The following DENND11 variants were observed in gnomAD, a reference collection of about 807,000 sequenced individuals.
The protein encoded by DENND11 is DENN domain-containing protein 11.
A neutral mutation model predicts 49.2 loss-of-function variants in DENND11; 34 were observed. That is an observed-to-expected ratio of 0.69 (90% CI 0.53 to 0.92). The LOEUF (loss-of-function observed/expected upper bound fraction) is 0.92. Among genes scored for constraint, DENND11 ranks in the 40% least tolerant of loss-of-function variants. The pLI is 0.00. For missense variants in DENND11, 475 were observed against 581.6 expected, an observed-to-expected ratio of 0.82 and a Z score of 1.88; for synonymous variants, 238 against 230.3, an observed-to-expected ratio of 1.03 and a Z score of -0.30.
rs781195345 is a variant in DENND11, at chr7:141,662,674, G to A, written c.1350C>T (p.Asp450=). ...GCTCCTCCTACGGGCAACAGGGGTTGTCGATAACCAGCATGACATCAATGC... is the reference window on the plus strand; with the variant it reads ...GCTCCTCCTACGGGCAACAGGGGTTATCGATAACCAGCATGACATCAATGC... ...AYGIDVMLVI[D]NPCCP The change falls in exon 9 of 9, where the codon GAC becomes GAT. Residue 450 remains aspartate, a synonymous_variant. Coordinates refer to ENST00000536163, the MANE Select transcript of DENND11 (RefSeq NM_001080392.2). 2 of 1,597,226 alleles carry A rather than the reference G, an allele frequency of 1.3e-6. No individual in the cohort carries two copies. The highest frequency in any genetic ancestry group is 2.3e-5 in the South Asian group (2 of 87,546).
Position 141,701,887 on chromosome 7 carries a change from C to T in DENND11, c.267G>A (p.Ser89=), listed in dbSNP as rs1363933551. The change falls in exon 1 of 9, where the codon TCG becomes TCA. Residue 89 remains serine (S), a splice_region_variant and synonymous_variant. Transcript: ENST00000536163. ...GCCTGGCCCCGGCGCGGCCCTCACC[C>T]GAGCGGGGGTCGAAGGTGACCACGA... is the stretch of plus-strand genomic sequence containing the variant. ...AVFVVTFDPR[S]GNMVEWCLPQ... is the part of the protein sequence containing the mutation. The T allele has an allele frequency of 1.7e-5, 20 of 1,202,660 alleles. No individual in the cohort carries two copies. In the East Asian group the frequency reaches 7.1e-4, roughly 42 times the overall value. 74.5% of individuals were successfully genotyped at this position (1,202,660 alleles called of 1,614,324 possible).
rs1797728566 is a variant in DENND11 at position 141,658,221 on chromosome 7, T to C, written c.*4435A>G. 1 of 152,206 alleles carries C rather than the reference T, an allele frequency of 6.6e-6. No individual in the cohort carries two copies. The highest frequency in any genetic ancestry group is 6.5e-5 in the Admixed American group (1 of 15,270). The allele number at this position is 152,206 out of a possible 1,614,324, so 9.4% of individuals were successfully genotyped here. ...ATATCAATAAAAAAATAAACTTCCA[T>C]TTCTTATAAGAAAAACATTAACTTA... On this transcript the variant is annotated 3_prime_UTR_variant, in exon 9 of 9. Transcript: ENST00000536163.
chr7:141,667,442 T>G (rs1026503324), intron 4 of DENND11, among the ~76,000 whole-genome samples: 2 of 152,170 alleles, frequency 1.3e-5, no homozygotes, highest in African/African-American at 4.8e-5. Flanking sequence ...ACCTACCTCG[T>G]AGGGTTACTT....
rs1191365778 is a variant in DENND11, at chr7:141,666,341, G to C, written c.766C>G (p.Arg256Gly). 5.6e-6 allele frequency: 9 copies of C among 1,613,082 alleles called. No individual in the cohort carries two copies. Among genetic ancestry groups the C allele is most frequent in the African/African-American group, 1.3e-5 (1 of 74,872 alleles). Residue 256 changes from arginine (R) to glycine (G), a missense_variant, in exon 5 of 9, where the codon CGA (arginine) becomes GGA (glycine). By Grantham distance (125) the Arg-to-Gly change is moderately radical (BLOSUM62 -2). Coordinates refer to ENST00000536163, the MANE Select transcript of DENND11 (RefSeq NM_001080392.2). ...ILILWKFALL[R>G]KRILIFSPPP... ...GGAGAAAATATCAAAATGCGCTTTC[G>C]AAGTAAGGCAAATTTCCAGAGGATG...
chr7:141,662,699 C>T lies in DENND11; in HGVS notation c.1325G>A (p.Gly442Asp). Residue 442 changes from glycine to aspartate, a missense_variant, in exon 9 of 9, where the codon GGC (glycine) becomes GAC (aspartate). Coordinates refer to ENST00000536163, the MANE Select transcript of DENND11 (RefSeq NM_001080392.2). ...SFLLDLLEAY[G>D]IDVMLVIDNP... ...GTCGATAACCAGCATGACATCAATG[C>T]CATAGGCCTCCAGCAGGTCCAGGAG... 1.9e-6 allele frequency: 3 copies of T among 1,608,298 alleles called. No individual in the cohort carries two copies. Among genetic ancestry groups the T allele is most frequent in the Non-Finnish European group, 2.5e-6 (3 of 1,177,644 alleles).
rs1435499588 is a variant in DENND11, at chr7:141,658,525, G to GATCT, written c.*4127_*4130dup. 1 of 152,178 alleles carries GATCT rather than the reference G, an allele frequency of 6.6e-6. No individual in the cohort carries two copies. Among genetic ancestry groups the GATCT allele is most frequent in the African/African-American group, 2.4e-5 (1 of 41,418 alleles). The allele number at this position is 152,178 out of a possible 1,614,324, so 9.4% of individuals were successfully genotyped here. On this transcript the variant is annotated 3_prime_UTR_variant, in exon 9 of 9. Coordinates refer to ENST00000536163, the MANE Select transcript of DENND11 (RefSeq NM_001080392.2). ...GCAGAATCCAAGCCTACTAGCTTGG[G>GATCT]ATCTACTAGGGAGATAAAAGCCCAT...
At chr7:141,676,419 CTACAT>C (rs1189196099) in intron 3 of DENND11, among the ~76,000 whole-genome samples, 1 of 152,142 alleles carries the variant, frequency 6.6e-6, no homozygotes, top group Non-Finnish European at 1.5e-5. Flanking sequence ...TTCTGTTTGA[CTACAT>C]TAAACTCTAT....
At position 141,685,341 on chromosome 7, in the gene DENND11, G is replaced by A. The variant is rs973301376; in HGVS notation, c.527+137C>T. ...CTGAAACGAAAGGACACCACCCGAG[G>A]CGTGAAACATCGCCATGGATGTTCT... On this transcript the variant is annotated intron_variant, in intron 3 of 8. Transcript: ENST00000536163. 3.1e-5 allele frequency: 33 copies of A among 1,067,382 alleles called. No individual in the cohort carries two copies. In the East Asian group the frequency reaches 4.5e-4, roughly 15 times the overall value. The allele number at this position is 1,067,382 out of a possible 1,614,324, so 66.1% of individuals were successfully genotyped here.
intron 3 of DENND11, among the ~76,000 whole-genome samples, chr7:141,678,280 GAAATA>G (rs1461457870): frequency 7.3e-5 from 11 of 151,244 alleles, no homozygotes; most frequent in South Asian, 4.2e-4. Context: ...CTTTTTAAAA[GAAATA>G]AAATAAAATA....
At chr7:141,694,322 C>A (rs1272208649) in intron 1 of DENND11, among the ~76,000 whole-genome samples, 1 of 151,268 alleles carries the variant, frequency 6.6e-6, no homozygotes, top group Non-Finnish European at 1.5e-5. Context: ...GTGCAGTGGC[C>A]CAATCATAGC....
At chr7:141,701,419 GGGCGAGC>G (rs1413916231) in intron 1 of DENND11, 5 of 137,956 alleles carry the variant, frequency 3.6e-5, no homozygotes, top group Non-Finnish European at 8.1e-5. Context: ...ACGGGGTGGG[GGGCGAGC>G]GGGGAGCGGG....
chr7:141,676,872 G>T (rs928769957), intron 3 of DENND11, among the ~76,000 whole-genome samples: 3 of 152,142 alleles, frequency 2.0e-5, no homozygotes, highest in Admixed American at 1.3e-4. Context: ...TCCAAGAGCC[G>T]TGACACTGTA....
chr7:141,696,084 C>T (rs1248558395), intron 1 of DENND11, among the ~76,000 whole-genome samples: 1 of 152,224 alleles, frequency 6.6e-6, no homozygotes, highest in Non-Finnish European at 1.5e-5. Flanking sequence ...CCAGGCAAAG[C>T]CAGAAGGTCA....
chr7:141,686,765 C>A, intron 1 of DENND11, 107 bp from the exon 2 acceptor site: 1 of 719,586 alleles, frequency 1.4e-6, no homozygotes, highest in South Asian at 1.7e-5. Flanking sequence ...ACTGCTGACT[C>A]AGCCTCAGAC....
chr7:141,693,113 C>A (rs1008658097), intron 1 of DENND11, among the ~76,000 whole-genome samples: 11 of 152,146 alleles, frequency 7.2e-5, no homozygotes, highest in African/African-American at 2.2e-4. Flanking sequence ...AAACACATAT[C>A]TGATAAAGGA....
chr7:141,688,654 C>T (rs1046522805), intron 1 of DENND11, among the ~76,000 whole-genome samples: 1 of 152,180 alleles, frequency 6.6e-6, no homozygotes, highest in East Asian at 1.9e-4. Flanking sequence ...AGTTCCCCCA[C>T]GCTTTCCTAT....
intron 3 of DENND11, among the ~76,000 whole-genome samples, chr7:141,684,751 AGTG>A (rs1284947014): frequency 1.3e-5 from 2 of 152,142 alleles, no homozygotes; most frequent in African/African-American, 4.8e-5. Flanking sequence ...ACAGAAAAGA[AGTG>A]GTAACATTTT....
chr7:141,665,562 C>T (rs1401180786), intron 5 of DENND11, among the ~76,000 whole-genome samples: 1 of 152,170 alleles, frequency 6.6e-6, no homozygotes, highest in African/African-American at 2.4e-5. Context: ...CTTTCTCTAG[C>T]TGGTCTTGCT....
Position 141,662,885 on chromosome 7 carries a change from C to CGGGAG in DENND11, c.1173-35_1173-34insCTCCC, listed in dbSNP as rs1554407462. ...GGAAGACAAGACACAGGAAAGGAAG[C>CGGGAG]GGGGGGGAATAAAAAGCTCACCAGA... On this transcript the variant is annotated intron_variant, in intron 8 of 8. Coordinates refer to ENST00000536163, the MANE Select transcript of DENND11 (RefSeq NM_001080392.2). The CGGGAG allele has an allele frequency of 1.8e-5, 27 of 1,466,802 alleles. 1 individual carries two copies. In the African/African-American group the frequency reaches 3.9e-4, roughly 21 times the overall value. 90.9% of individuals were successfully genotyped at this position (1,466,802 alleles called of 1,614,324 possible). A position where few individuals can be genotyped will look rare whatever the true frequency, so the allele number is the denominator to read the frequency against.
Sources: allele counts gnomAD v4.1 joint callset (sites outside exome capture counted in the v4.1 genomes callset), GRCh38; gene constraint gnomAD v4.1.1; transcripts MANE v1.5; gene names NCBI Gene and HGNC (gene_info 2026-07-23, HGNC 2026-07-21).